The following SRPK2 variants were observed in gnomAD, a reference collection of about 807,000 sequenced individuals.
The protein encoded by SRPK2 is SRSF protein kinase 2, also known as SFRS protein kinase 2.
Under a neutral mutation model 90.8 loss-of-function variants are expected in SRPK2, and 21 were observed. The observed-to-expected ratio is 0.23, with a 90% CI of 0.16 to 0.33. The LOEUF (loss-of-function observed/expected upper bound fraction) is 0.33. SRPK2 is among the 10% of genes least tolerant of loss of function. The pLI is 1.00. For synonymous variants in SRPK2, 288 were observed against 311.1 expected, an observed-to-expected ratio of 0.93 and a Z score of 0.78; for missense variants, 620 against 869.0, an observed-to-expected ratio of 0.71 and a Z score of 3.60.
chr7:105,125,074 G>A (rs1404845226), intron 15 of SRPK2, among the ~76,000 whole-genome samples: 3 of 142,250 alleles, frequency 2.1e-5, no homozygotes, highest in Non-Finnish European at 4.5e-5. Flanking sequence ...AGGTTGCAGT[G>A]AGCTAAGATT....
downstream of SRPK2, chr7:105,115,250 G>GCA (rs1283369909): frequency 2.0e-5 from 3 of 152,022 alleles, no homozygotes; most frequent in South Asian, 6.2e-4. Flanking sequence ...AGAAACTGAA[G>GCA]AAGTTCTCTA....
chr7:105,383,451 C>T (rs866984146), intron 2 of SRPK2, among the ~76,000 whole-genome samples: 27 of 150,056 alleles, frequency 1.8e-4, no homozygotes, highest in African/African-American at 6.1e-4. Context: ...GACGGAGTGT[C>T]GCTCTGTCAC....
chr7:105,177,338 A>G (rs914540540), intron 3 of SRPK2, among the ~76,000 whole-genome samples: 1 of 152,166 alleles, frequency 6.6e-6, no homozygotes, highest in African/African-American at 2.4e-5. Context: ...TTTTACTTCA[A>G]TGAAAGGATA....
chr7:105,295,210 CA>C (rs10609905), intron 2 of SRPK2, among the ~76,000 whole-genome samples: 44,549 of 140,860 alleles, frequency 0.32, 6,717 homozygotes, highest in Middle Eastern at 0.36. Context: ...GAACCCGTCT[CA>C]AAAAAAAAAA....
At chr7:105,224,006 T>C (rs1005976264) in intron 2 of SRPK2, among the ~76,000 whole-genome samples, 2 of 152,164 alleles carry the variant, frequency 1.3e-5, no homozygotes, top group African/African-American at 4.8e-5. Context: ...CCTGGAATTT[T>C]TGATTAAATT....
intron 6 of SRPK2, among the ~76,000 whole-genome samples, chr7:105,162,822 A>G (rs1440166340): frequency 6.6e-6 from 1 of 152,246 alleles, no homozygotes; most frequent in African/African-American, 2.4e-5. Context: ...CATTTTGCTT[A>G]ACAGTAAAAA....
intron 6 of SRPK2, among the ~76,000 whole-genome samples, chr7:105,166,833 C>T (rs1012283934): frequency 2.0e-5 from 3 of 152,160 alleles, no homozygotes; most frequent in African/African-American, 7.2e-5. Flanking sequence ...CTCTGCAGGA[C>T]AATTATTTGA....
intron 6 of SRPK2, among the ~76,000 whole-genome samples, chr7:105,162,756 A>C (rs1807873332): frequency 6.6e-6 from 1 of 152,216 alleles, no homozygotes; most frequent in South Asian, 2.1e-4. Flanking sequence ...GGATATCCCA[A>C]ACATAACCTA....
At chr7:105,227,972 TTACTA>T (rs1188133317) in intron 2 of SRPK2, among the ~76,000 whole-genome samples, 3 of 151,940 alleles carry the variant, frequency 2.0e-5, no homozygotes, top group Non-Finnish European at 4.4e-5. Context: ...TTTTATTACT[TTACTA>T]TTTCTAGCCT....
At chr7:105,261,399 T>C (rs1804263329) in intron 2 of SRPK2, among the ~76,000 whole-genome samples, 1 of 151,938 alleles carries the variant, frequency 6.6e-6, no homozygotes, top group East Asian at 1.9e-4. Flanking sequence ...CGGGCGCCTG[T>C]AGTCCCAGCT....
At chr7:105,164,562 C>T (rs1808224280) in intron 6 of SRPK2, among the ~76,000 whole-genome samples, 1 of 152,208 alleles carries the variant, frequency 6.6e-6, no homozygotes, top group Admixed American at 6.5e-5. Flanking sequence ...TGGGGAGCAA[C>T]TAAATGGCTG....
At chr7:105,388,288 G>C (rs946937111) in intron 2 of SRPK2, among the ~76,000 whole-genome samples, 8 of 151,610 alleles carry the variant, frequency 5.3e-5, no homozygotes, top group Non-Finnish European at 1.0e-4. Context: ...GGCAGACGCC[G>C]GGGCCCCTTC....
At chr7:105,201,225 C>G (rs939592955) in intron 3 of SRPK2, among the ~76,000 whole-genome samples, 5 of 151,964 alleles carry the variant, frequency 3.3e-5, no homozygotes, top group Non-Finnish European at 7.4e-5. Flanking sequence ...TGGAATATAC[C>G]ACAAAATTCA....
At chr7:105,345,361 C>T (rs933265040) in intron 2 of SRPK2, among the ~76,000 whole-genome samples, 3 of 152,118 alleles carry the variant, frequency 2.0e-5, no homozygotes, top group Non-Finnish European at 4.4e-5. Flanking sequence ...AATCTCAATT[C>T]TCAGTCTCAA....
intron 15 of SRPK2, among the ~76,000 whole-genome samples, chr7:105,123,699 C>T (rs1371657165): frequency 6.6e-6 from 1 of 152,058 alleles, no homozygotes; most frequent in Non-Finnish European, 1.5e-5. Flanking sequence ...CATGACCGGC[C>T]CTCATTCCTC....
chr7:105,139,078 C>T (rs1803309393), intron 11 of SRPK2, among the ~76,000 whole-genome samples: 1 of 152,160 alleles, frequency 6.6e-6, no homozygotes, highest in South Asian at 2.1e-4. Flanking sequence ...CCTTCCTGCA[C>T]CTTCCTGGAT....
Position 105,383,166 on chromosome 7 carries a change from G to A in SRPK2, c.71+5482C>T, listed in dbSNP as rs557680538. Among the ~76,000 whole-genome samples, 175 of 137,058 alleles carry A rather than the reference G, an allele frequency of 1.3e-3. 1 individual carries two copies. Among genetic ancestry groups the A allele is most frequent in the African/African-American group, 4.2e-3 (155 of 36,600 alleles). 89.9% of individuals were successfully genotyped at this position (137,058 alleles called of 152,430 possible). ...TGCAAGCTCCGCCTCCTGGGTTCAC[G>A]CCATTCTCCCGCCTCAGCCTCCCAA... On this transcript the variant is annotated intron_variant, in intron 2 of 15. Coordinates refer to ENST00000393651, the MANE Select transcript of SRPK2 (RefSeq NM_182692.3).
Position 105,350,128 on chromosome 7 carries a change from A to AT in SRPK2, c.71+38519dup, listed in dbSNP as rs749102424. On this transcript the variant is annotated intron_variant, in intron 2 of 15. Transcript: ENST00000393651. The stretch of plus-strand genomic sequence containing the variant: ...TCACAATAACCCTGTAGTTGCTATA[A>AT]TTTTTTTTTTTTTTTTTTGGAGACA... Among the ~76,000 whole-genome samples, 866 of 133,600 alleles carry AT rather than the reference A, an allele frequency of 6.5e-3. 18 individuals carry two copies. Among genetic ancestry groups the AT allele is most frequent in the East Asian group, 0.012 (56 of 4,660 alleles). The allele number at this position is 133,600 out of a possible 152,430, so 87.6% of individuals were successfully genotyped here.
intron 2 of SRPK2, among the ~76,000 whole-genome samples, chr7:105,381,158 C>T (rs1323007435): frequency 2.0e-5 from 3 of 151,532 alleles, no homozygotes; most frequent in Admixed American, 6.6e-5. Context: ...GCATGAGGAG[C>T]GCCTGAACCC....
Sources: gnomAD v4.1 joint callset for allele counts (sites outside exome capture counted in the v4.1 genomes callset) on GRCh38, gnomAD v4.1.1 for gene constraint, MANE v1.5 for transcripts, NCBI Gene and HGNC (gene_info 2026-07-23, HGNC 2026-07-21) for gene names.